RABGAP1: variants seen among roughly 807,000 people sequenced by gnomAD.
RABGAP1 encodes the protein rab GTPase-activating protein 1.
Under a neutral mutation model 137.6 loss-of-function variants are expected in RABGAP1, and 23 were observed. That is an observed-to-expected ratio of 0.17 (90% CI 0.12 to 0.24). The LOEUF (loss-of-function observed/expected upper bound fraction) is 0.24, where lower values mean the gene tolerates loss of function less well. Ranked by LOEUF, RABGAP1 falls within the 10% of genes least tolerant of loss-of-function variation. The pLI is 1.00. For synonymous variants in RABGAP1, 451 were observed against 450.7 expected (o/e 1.00, Z -0.01); for missense variants, 906 against 1,275.8 (o/e 0.71, Z 4.42).
At position 123,015,761 on chromosome 9, in the gene RABGAP1, A is replaced by G. The variant is rs1457172434; in HGVS notation, c.1643+125A>G. The G allele has an allele frequency of 3.0e-5, 18 of 598,240 alleles. No individual in the cohort carries two copies. The East Asian group carries it at 4.7e-4, about 16-fold the overall frequency. The allele number at this position is 598,240 out of a possible 1,614,324, so 37.1% of individuals were successfully genotyped here. ...CTAAGCGCAATGTTTGCATTCTGTG[A>G]TCTATTTTAGGGATTTATATGAGTA... On this transcript the variant is annotated intron_variant, in intron 12 of 25. Transcript: ENST00000373647.
chr9:122,941,189 C>T (rs1411852218), intron 1 of RABGAP1, 96 bp downstream of exon 1: 1 of 152,352 alleles, frequency 6.6e-6, no homozygotes, highest in Non-Finnish European at 1.5e-5. Context: ...AAGCTGTCTT[C>T]TCATCCCGCG....
chr9:123,044,194 C>T (rs1018665844), intron 13 of RABGAP1, among the ~76,000 whole-genome samples: 7 of 152,108 alleles, frequency 4.6e-5, no homozygotes, highest in Non-Finnish European at 7.4e-5. Flanking sequence ...TGAGCCACCG[C>T]GCCCAGCCAG....
intron 13 of RABGAP1, chr9:123,035,607 T>C (rs754270343): frequency 3.8e-6 from 6 of 1,581,684 alleles, no homozygotes; most frequent in Non-Finnish European, 8.6e-7. Context: ...TTAATGGATG[T>C]CATATCTGAA....
chr9:123,057,038 C>A (rs2033734477), intron 13 of RABGAP1, among the ~76,000 whole-genome samples: 1 of 152,076 alleles, frequency 6.6e-6, no homozygotes, highest in Non-Finnish European at 1.5e-5. Flanking sequence ...CTCCTCACTT[C>A]CCAGTAGGGG....
chr9:123,041,410 A>G (rs1051048389), intron 13 of RABGAP1, among the ~76,000 whole-genome samples: 18 of 152,226 alleles, frequency 1.2e-4, no homozygotes, highest in African/African-American at 4.3e-4. Context: ...ACATAGGCTT[A>G]GAGAGGTTAA....
rs201824071 is a variant in RABGAP1, at chr9:123,070,305, G to A, written c.1909-45G>A. On this transcript the variant is annotated intron_variant, in intron 14 of 25. Coordinates refer to ENST00000373647, the MANE Select transcript of RABGAP1 (RefSeq NM_012197.4). This position sits in a 1 kb window ranked among gnomAD's most constrained non-coding sequence, Gnocchi z 4.4. ...CCTATAGTGCCACCATGGCCCACAA[G>A]TGGCTACATTCATTTACATTTCCTC... 43 of 1,612,336 alleles carry A rather than the reference G, an allele frequency of 2.7e-5. No individual in the cohort carries two copies. The East Asian group carries it at 8.9e-4, about 33-fold the overall frequency.
At chr9:123,048,498 A>G (rs1426751248) in intron 13 of RABGAP1, among the ~76,000 whole-genome samples, 1 of 152,246 alleles carries the variant, frequency 6.6e-6, no homozygotes, top group Non-Finnish European at 1.5e-5. Flanking sequence ...TCCATAGCAT[A>G]CAACGCTTTA....
chr9:123,051,863 C>G (rs1241723719), intron 13 of RABGAP1, among the ~76,000 whole-genome samples: 1 of 151,408 alleles, frequency 6.6e-6, no homozygotes, highest in African/African-American at 2.4e-5. Context: ...GCAGTCTTGG[C>G]TCACTGCAAG....
chr9:123,019,738 T>C (rs1207270537), intron 12 of RABGAP1, among the ~76,000 whole-genome samples: 1 of 152,128 alleles, frequency 6.6e-6, no homozygotes, highest in Non-Finnish European at 1.5e-5. Context: ...TCACCCAGGC[T>C]GGAGTGCGGT....
chr9:123,101,351 G>A (rs540938890), intron 24 of RABGAP1, among the ~76,000 whole-genome samples: 1 of 152,242 alleles, frequency 6.6e-6, no homozygotes, highest in East Asian at 1.9e-4. Flanking sequence ...TGAGATTACT[G>A]AATCAAGACA....
intron 14 of RABGAP1, among the ~76,000 whole-genome samples, chr9:123,068,745 T>G (rs1384449993): frequency 6.6e-6 from 1 of 152,192 alleles, no homozygotes; most frequent in African/African-American, 2.4e-5. Context: ...CTACGAAAAT[T>G]TATTAATGCG....
intron 13 of RABGAP1, among the ~76,000 whole-genome samples, chr9:123,038,595 A>T (rs1228738103): frequency 6.6e-6 from 1 of 152,160 alleles, no homozygotes; most frequent in African/African-American, 2.4e-5. Flanking sequence ...GCAAGCCAAA[A>T]TGTATTGTTA....
intron 2 of RABGAP1, among the ~76,000 whole-genome samples, chr9:122,963,989 T>C (rs1397778413): frequency 2.6e-5 from 4 of 152,170 alleles, no homozygotes; most frequent in Non-Finnish European, 5.9e-5. Flanking sequence ...GTAATTTAGA[T>C]GAAATGGACA....
At chr9:123,048,097 G>A (rs1261774511) in intron 13 of RABGAP1, among the ~76,000 whole-genome samples, 1 of 151,670 alleles carries the variant, frequency 6.6e-6, no homozygotes, top group East Asian at 1.9e-4. Flanking sequence ...GCATCACCAC[G>A]CCCAGCTAAT....
intron 7 of RABGAP1, 86 bp downstream of exon 7, chr9:122,996,237 G>T: frequency 1.4e-6 from 2 of 1,466,370 alleles, no homozygotes; most frequent in South Asian, 1.5e-5. Context: ...ATTAAAAAAT[G>T]TATTTCCAAA....
intron 13 of RABGAP1, among the ~76,000 whole-genome samples, chr9:123,044,887 G>A (rs1015466595): frequency 2.0e-5 from 3 of 151,980 alleles, no homozygotes; most frequent in African/African-American, 4.8e-5. Flanking sequence ...ATGAGATTTC[G>A]TAAAGTATCC....
At chr9:123,025,443 A>G (rs997952419) in intron 13 of RABGAP1, among the ~76,000 whole-genome samples, 3 of 150,714 alleles carry the variant, frequency 2.0e-5, no homozygotes, top group Non-Finnish European at 4.4e-5. Flanking sequence ...TTATGTGGAG[A>G]TTGTTATTTG....
rs753736928 is a variant in RABGAP1 at position 122,957,233 on chromosome 9, GT to G, written c.150+28del. 7 of 1,483,320 alleles carry G rather than the reference GT, an allele frequency of 4.7e-6. No individual in the cohort carries two copies. The African/African-American group carries it at 9.6e-5, about 20-fold the overall frequency. 91.9% of individuals were successfully genotyped at this position (1,483,320 alleles called of 1,614,324 possible). A position where few individuals can be genotyped will look rare whatever the true frequency, so the allele number is the denominator to read the frequency against. ...AGGTAAAACTCCCTAACCTAAGATTGTTTTGCTTAGCTTTTCTAAGCCCATT... is the reference window on the plus strand; with the variant it reads ...AGGTAAAACTCCCTAACCTAAGATTGTTTGCTTAGCTTTTCTAAGCCCATT... On this transcript the variant is annotated intron_variant, in intron 2 of 25. Transcript: ENST00000373647.
chr9:122,935,284 C>G, the RABGAP1 span, among the ~76,000 whole-genome samples: 2 of 152,102 alleles, frequency 1.3e-5, no homozygotes, highest in South Asian at 4.1e-4. Context: ...AAAGCTCTGC[C>G]CTTTCCTTTC....
Sources: gnomAD v4.1 joint callset for allele counts (sites outside exome capture counted in the v4.1 genomes callset) on GRCh38, gnomAD v4.1.1 for gene constraint, Gnocchi (gnomAD v3.1) non-coding constraint, MANE v1.5 for transcripts, NCBI Gene and HGNC (gene_info 2026-07-23, HGNC 2026-07-21) for gene names.